Variants in TCF12 observed in about 807,000 individuals in gnomAD.
TCF12 encodes DNA-binding protein HTF4.
In TCF12, 45 loss-of-function variants were observed where a neutral mutation model predicts 86.0. The observed-to-expected ratio is 0.52, with a 90% confidence interval of 0.41 to 0.67. TCF12 has a LOEUF of 0.67. Ranked by LOEUF, TCF12 falls within the 30% of genes least tolerant of loss-of-function variation. The probability of loss-of-function intolerance (pLI) is 0.00; values close to 1 mark genes in which losing one functional copy is unlikely to be tolerated. For missense variants in TCF12, 881 were observed against 859.9 expected (o/e 1.02, Z -0.31); for synonymous variants, 330 against 299.6 (o/e 1.10, Z -1.05).
At chr15:57,247,355 C>T in intron 13 of TCF12, 1 of 658,170 alleles carries the variant, frequency 1.5e-6, no homozygotes, top group Middle Eastern at 4.4e-4. Flanking sequence ...AAAACTACCT[C>T]TACCACCTCC....
intron 3 of TCF12, among the ~76,000 whole-genome samples, chr15:57,047,399 T>C (rs1302637014): frequency 6.6e-6 from 1 of 152,224 alleles, no homozygotes; most frequent in East Asian, 1.9e-4. Context: ...GATTACCAGC[T>C]TACTTTGAGA....
chr15:56,985,376 CT>C (rs1359716759), intron 3 of TCF12, among the ~76,000 whole-genome samples: 69 of 152,248 alleles, frequency 4.5e-4, no homozygotes, highest in African/African-American at 1.6e-3. Flanking sequence ...CTAATTTTGA[CT>C]ACTAAAATTG....
rs1414871136 is a variant in TCF12, at chr15:57,247,349, C to G, written c.1114+3799C>G. ...ATCAGAGTTTCCACCACAGCCAAAA[C>G]TACCTCTACCACCTCCAAAGTTTCC... On this transcript the variant is annotated intron_variant, in intron 13 of 20. Coordinates refer to ENST00000333725, the MANE Select transcript of TCF12 (RefSeq NM_207037.2). 289 of 656,436 alleles carry G rather than the reference C, an allele frequency of 4.4e-4. 2 individuals are homozygous for G. In the Middle Eastern group the frequency reaches 6.2e-3, roughly 14 times the overall value. 40.7% of individuals were successfully genotyped at this position (656,436 alleles called of 1,614,324 possible).
chr15:57,264,905 T>C (rs374658934), intron 18 of TCF12, among the ~76,000 whole-genome samples: 3 of 151,680 alleles, frequency 2.0e-5, no homozygotes, highest in Admixed American at 1.3e-4. Flanking sequence ...AATTTTTGTA[T>C]TGTTAGTAGA....
intron 18 of TCF12, among the ~76,000 whole-genome samples, chr15:57,265,949 C>T (rs1183637697): frequency 6.6e-6 from 1 of 152,072 alleles, no homozygotes; most frequent in African/African-American, 2.4e-5. Flanking sequence ...TATGTAGTCC[C>T]TCATTGACTG....
At chr15:57,088,085 A>T (rs991622500) in intron 4 of TCF12, among the ~76,000 whole-genome samples, 1 of 152,230 alleles carries the variant, frequency 6.6e-6, no homozygotes, top group Non-Finnish European at 1.5e-5. Context: ...TTTAAAATTG[A>T]AATAGCATTC....
intron 3 of TCF12, among the ~76,000 whole-genome samples, chr15:56,972,457 A>G (rs2062386730): frequency 6.6e-6 from 1 of 152,210 alleles, no homozygotes; most frequent in Non-Finnish European, 1.5e-5. Flanking sequence ...GAACAAGGAA[A>G]CTTCTATGAA....
chr15:57,024,414 A>C (rs1419220937), intron 3 of TCF12, among the ~76,000 whole-genome samples: 1 of 152,036 alleles, frequency 6.6e-6, no homozygotes, highest in South Asian at 2.1e-4. Context: ...TGGTTTCACC[A>C]TGTTGGCTAG....
chr15:56,944,213 A>G (rs1368674165), intron 3 of TCF12, among the ~76,000 whole-genome samples: 1 of 152,182 alleles, frequency 6.6e-6, no homozygotes, highest in Non-Finnish European at 1.5e-5. Context: ...ATATTATAAC[A>G]GACAGTGAAT....
At chr15:57,271,649 A>G (rs1268304363) in intron 18 of TCF12, among the ~76,000 whole-genome samples, 1 of 152,212 alleles carries the variant, frequency 6.6e-6, no homozygotes, top group Non-Finnish European at 1.5e-5. Flanking sequence ...TTGGAAATGC[A>G]GAAATCACCC....
intron 3 of TCF12, among the ~76,000 whole-genome samples, chr15:56,970,529 A>G (rs2062251729): frequency 6.6e-6 from 1 of 151,156 alleles, no homozygotes; most frequent in South Asian, 2.1e-4. Context: ...GGCCCATTAA[A>G]TGAAACAATG....
chr15:57,170,625 ATT>A (rs1285697677), intron 6 of TCF12, among the ~76,000 whole-genome samples: 1 of 57,938 alleles, frequency 1.7e-5, no homozygotes, highest in Non-Finnish European at 2.6e-5. Flanking sequence ...TGCCCTGCTA[ATT>A]TTATATATAT....
intron 4 of TCF12, among the ~76,000 whole-genome samples, chr15:57,065,225 G>C (rs2068774945): frequency 6.6e-6 from 1 of 152,158 alleles, no homozygotes. Context: ...GTAGTGTAAA[G>C]AACCCTATGC....
At chr15:57,186,449 T>G (rs1385861996) in intron 6 of TCF12, among the ~76,000 whole-genome samples, 1 of 152,092 alleles carries the variant, frequency 6.6e-6, no homozygotes, top group East Asian at 1.9e-4. Flanking sequence ...CAGTGAGCCA[T>G]CATTGAGCCA....
chr15:57,113,536 C>CT (rs1567448404), intron 5 of TCF12, among the ~76,000 whole-genome samples: 1 of 151,860 alleles, frequency 6.6e-6, no homozygotes, highest in Non-Finnish European at 1.5e-5. Context: ...TCTTTTGCTT[C>CT]TTTTTTTTCT....
intron 5 of TCF12, among the ~76,000 whole-genome samples, chr15:57,148,003 C>A (rs1337343520): frequency 4.6e-5 from 7 of 151,308 alleles, no homozygotes; most frequent in African/African-American, 1.7e-4. Context: ...CCTCAGCCTT[C>A]GAATAGCTGG....
intron 3 of TCF12, among the ~76,000 whole-genome samples, chr15:56,972,313 C>T (rs2062379402): frequency 6.6e-6 from 1 of 152,170 alleles, no homozygotes; most frequent in East Asian, 1.9e-4. Flanking sequence ...TGAAGATTTG[C>T]TTCCAGCAAT....
At chr15:57,270,677 G>A (rs12101548) in intron 18 of TCF12, among the ~76,000 whole-genome samples, 1,742 of 152,252 alleles carry the variant, frequency 0.011, 33 homozygotes, top group African/African-American at 0.036. Flanking sequence ...TTTCTGCTCT[G>A]GTTTCTCCCC....
chr15:56,996,210 G>A (rs2063706882), intron 3 of TCF12, among the ~76,000 whole-genome samples: 1 of 151,970 alleles, frequency 6.6e-6, no homozygotes, highest in South Asian at 2.1e-4. Flanking sequence ...GGATTTTTGT[G>A]TCTGTATTCA....
Sources: gnomAD v4.1 joint callset for allele counts (sites outside exome capture counted in the v4.1 genomes callset) on GRCh38, gnomAD v4.1.1 for gene constraint, MANE v1.5 for transcripts, NCBI Gene and HGNC (gene_info 2026-07-23, HGNC 2026-07-21) for gene names.